The following ATP7B variants were observed in gnomAD, a reference collection of about 807,000 sequenced individuals.
ATP7B encodes ATPase copper transporting beta.
ATP7B carries 113 observed loss-of-function variants against 118.9 expected under a neutral mutation model. That is an observed-to-expected ratio of 0.95 (90% CI 0.82 to 1.11). The LOEUF is 1.11. Among genes scored for constraint, ATP7B ranks in the 50% most tolerant of loss-of-function variants. ATP7B has a pLI of 0.00. For missense variants in ATP7B, 1,867 were observed against 1,871.4 expected, an observed-to-expected ratio of 1.00 and a Z score of 0.04; for synonymous variants, 777 against 727.4, an observed-to-expected ratio of 1.07 and a Z score of -1.10.
At chr13:51,937,819 C>G in intron 17 of ATP7B, 140 bp from the exon 18 acceptor site, 1 of 963,526 alleles carries the variant, frequency 1.0e-6, no homozygotes. Context: ...TGCAGGTTTG[C>G]TGTCACAGGG....
chr13:51,975,379 G>A, intron 1 of ATP7B: 1 of 755,340 alleles, frequency 1.3e-6, no homozygotes, highest in Non-Finnish European at 2.4e-6. Flanking sequence ...GAAGCTAACT[G>A]TCTGTCCTCC....
chr13:51,943,949 G>C (rs1320358567), intron 14 of ATP7B, among the ~76,000 whole-genome samples, 160 bp downstream of exon 14: 1 of 151,600 alleles, frequency 6.6e-6, no homozygotes, highest in Admixed American at 6.5e-5. Context: ...GGCAAGGGCT[G>C]ACTGTGAGCC....
chr13:51,985,174 C>T (rs1289330244), intron 1 of ATP7B, among the ~76,000 whole-genome samples: 2 of 152,074 alleles, frequency 1.3e-5, no homozygotes, highest in African/African-American at 4.8e-5. Context: ...AGGAGACCCA[C>T]CTCATGTGCA....
At chr13:51,982,052 T>C (rs1952449881) in intron 1 of ATP7B, among the ~76,000 whole-genome samples, 1 of 151,446 alleles carries the variant, frequency 6.6e-6, no homozygotes, top group African/African-American at 2.4e-5. Flanking sequence ...AGTGTTAGCG[T>C]ATTTTATGTG....
At chr13:51,963,873 G>A (rs1199833874) in intron 5 of ATP7B, among the ~76,000 whole-genome samples, 1 of 151,674 alleles carries the variant, frequency 6.6e-6, no homozygotes, top group Non-Finnish European at 1.5e-5. Flanking sequence ...CCAACATGGC[G>A]AAACACCATC....
chr13:51,939,706 G>A (rs755978808), intron 16 of ATP7B, among the ~76,000 whole-genome samples: 1 of 152,180 alleles, frequency 6.6e-6, no homozygotes, highest in Non-Finnish European at 1.5e-5. Flanking sequence ...GTGTGAATGA[G>A]AACAGAGTAA....
intron 1 of ATP7B, among the ~76,000 whole-genome samples, chr13:51,976,817 T>G (rs1202153488): frequency 6.6e-6 from 1 of 152,042 alleles, no homozygotes; most frequent in African/African-American, 2.4e-5. Flanking sequence ...TATAAAAGAT[T>G]AAAAAATGGT....
chr13:52,002,425 G>T (rs889824715), intron 1 of ATP7B, among the ~76,000 whole-genome samples: 4 of 148,172 alleles, frequency 2.7e-5, no homozygotes, highest in African/African-American at 1.0e-4. Context: ...AATTATCTGG[G>T]CATGGTGGCA....
intron 5 of ATP7B, among the ~76,000 whole-genome samples, chr13:51,963,758 A>C (rs1958908536): frequency 6.8e-6 from 1 of 147,864 alleles, no homozygotes; most frequent in South Asian, 2.2e-4. Context: ...AAAAAAAAAA[A>C]ACTCTCCAAG....
At chr13:51,959,834 T>C (rs1473494648) in intron 7 of ATP7B, 5 of 413,100 alleles carry the variant, frequency 1.2e-5, no homozygotes, top group Non-Finnish European at 2.3e-5. Context: ...AATATGCACA[T>C]TGGAGACACA....
intron 16 of ATP7B, among the ~76,000 whole-genome samples, chr13:51,939,924 A>C (rs535391736): frequency 6.6e-6 from 1 of 152,000 alleles, no homozygotes; most frequent in African/African-American, 2.4e-5. Flanking sequence ...AGAAACTAAC[A>C]TTAACAAAGT....
At chr13:51,956,622 G>A (rs1450219120) in intron 9 of ATP7B, among the ~76,000 whole-genome samples, 1 of 152,136 alleles carries the variant, frequency 6.6e-6, no homozygotes, top group Non-Finnish European at 1.5e-5. Context: ...GGAACTGGAG[G>A]GTTTCCATCT....
At chr13:52,005,576 A>AC (rs1197158505) in intron 1 of ATP7B, among the ~76,000 whole-genome samples, 2 of 152,214 alleles carry the variant, frequency 1.3e-5, no homozygotes, top group African/African-American at 4.8e-5. Context: ...TCTGATCATG[A>AC]CCACTTAAGT....
intron 7 of ATP7B, chr13:51,958,875 G>T (rs1307861749): frequency 5.1e-6 from 2 of 389,934 alleles, no homozygotes; most frequent in Non-Finnish European, 4.8e-6. Flanking sequence ...TCCCTAAAGA[G>T]AATGGGCTCT....
At chr13:51,951,685 T>C (rs1415990407) in intron 9 of ATP7B, among the ~76,000 whole-genome samples, 1 of 151,834 alleles carries the variant, frequency 6.6e-6, no homozygotes, top group Non-Finnish European at 1.5e-5. Context: ...AGGAGGAAAA[T>C]GAGAGTGGGG....
chr13:52,005,061 C>A (rs1953703462), intron 1 of ATP7B, among the ~76,000 whole-genome samples: 1 of 152,202 alleles, frequency 6.6e-6, no homozygotes, highest in Admixed American at 6.5e-5. Flanking sequence ...GCAACTAGAC[C>A]CATAGACCTG....
At chr13:51,970,826 C>T (rs1347707282) in intron 2 of ATP7B, 77 bp from the exon 3 acceptor site, 1 of 1,513,266 alleles carries the variant, frequency 6.6e-7, no homozygotes, top group African/African-American at 1.4e-5. Context: ...TTTCAGGGCT[C>T]TTGGTGAGGG....
chr13:52,010,444 G>A (rs549275216), intron 1 of ATP7B, among the ~76,000 whole-genome samples: 2 of 152,302 alleles, frequency 1.3e-5, no homozygotes, highest in Admixed American at 6.5e-5. Context: ...GCAAGAGAGA[G>A]AGAAAAAAAG....
chr13:51,966,873 C>T, intron 4 of ATP7B: 1 of 1,612,694 alleles, frequency 6.2e-7, no homozygotes, highest in Non-Finnish European at 8.5e-7. Context: ...CAGATTGTAT[C>T]ATCACTTGTG....
Sources: gnomAD v4.1 joint callset for allele counts (sites outside exome capture counted in the v4.1 genomes callset) on GRCh38, gnomAD v4.1.1 for gene constraint, MANE v1.5 for transcripts, NCBI Gene and HGNC (gene_info 2026-07-23, HGNC 2026-07-21) for gene names.